The following PEAK1 variants were observed in gnomAD, a reference collection of about 807,000 sequenced individuals.
The protein encoded by PEAK1 is pseudopodium enriched atypical kinase 1.
In PEAK1, 54 loss-of-function variants were observed where a neutral mutation model predicts 124.7. That is an observed-to-expected ratio of 0.43 (90% CI 0.35 to 0.54). PEAK1 has a LOEUF of 0.54. Among genes scored for constraint, PEAK1 ranks in the 20% least tolerant of loss-of-function variants. PEAK1 has a pLI of 0.01. For missense variants in PEAK1, 2,046 were observed against 2,134.5 expected, an observed-to-expected ratio of 0.96 and a Z score of 0.82; for synonymous variants, 719 against 760.0, an observed-to-expected ratio of 0.95 and a Z score of 0.89.
chr15:77,202,519 C>T (rs1165864503), intron 6 of PEAK1, among the ~76,000 whole-genome samples: 1 of 152,036 alleles, frequency 6.6e-6, no homozygotes, highest in African/African-American at 2.4e-5. Flanking sequence ...GTAATCCCAG[C>T]ACTTTGGGAA....
Position 77,275,488 on chromosome 15 carries a change from C to A in PEAK1, c.-275+8395G>T, listed in dbSNP as rs190335062. Among the ~76,000 whole-genome samples the A allele has an allele frequency of 9.2e-5, 14 of 152,000 alleles. No individual in the cohort carries two copies. In the South Asian group the frequency reaches 2.5e-3, roughly 27 times the overall value. On this transcript the variant is annotated intron_variant, in intron 5 of 9. Transcript: ENST00000682557. Reference sequence around the variant, plus strand: ...ATCCCAGCACTTTGGGAGGCCGAGGCGGGTGGATCATGAGGTCAGGAGATT... The same window carrying A: ...ATCCCAGCACTTTGGGAGGCCGAGGAGGGTGGATCATGAGGTCAGGAGATT...
chr15:77,408,871 A>G (rs765365291), intron 1 of PEAK1, among the ~76,000 whole-genome samples: 8 of 152,088 alleles, frequency 5.3e-5, no homozygotes, highest in Non-Finnish European at 8.8e-5. Flanking sequence ...AGGAGTTTGC[A>G]ATCATCCTGG....
chr15:77,133,091 T>C lies in PEAK1; in HGVS notation c.3991A>G (p.Ser1331Gly). 3 of 1,614,234 alleles carry C rather than the reference T, an allele frequency of 1.9e-6. No individual in the cohort carries two copies. Among genetic ancestry groups the C allele is most frequent in the Non-Finnish European group, 2.5e-6 (3 of 1,180,038 alleles). The change falls in exon 9 of 10, where the codon AGT (serine) becomes GGT (glycine). Residue 1331 changes from serine to glycine, a missense_variant. By Grantham distance (56) the Ser-to-Gly change is moderately conservative (BLOSUM62 0). Transcript: ENST00000682557. The surrounding 1 kb of genome is among the most constrained non-coding windows in gnomAD (Gnocchi z 4.2). ...VDSWSDFRLT[S>G]DKPCCEAGDA... ...CCTGCCTCACAACATGGTTTGTCAC[T>C]GGTTAGCCTGAAGTCTGACCAGCTG...
At chr15:77,379,780 A>G (rs1191967802) in intron 1 of PEAK1, among the ~76,000 whole-genome samples, 1 of 152,168 alleles carries the variant, frequency 6.6e-6, no homozygotes, top group East Asian at 1.9e-4. Context: ...CGTTTACAGC[A>G]GGACTTGCCT....
intron 1 of PEAK1, among the ~76,000 whole-genome samples, chr15:77,365,741 TAAAAAAA>T (rs71145816): frequency 1.2e-5 from 1 of 80,832 alleles, no homozygotes. Flanking sequence ...CTCCATCTCA[TAAAAAAA>T]AAAAAAAAAA....
chr15:77,124,936 A>G (rs1268940683), intron 9 of PEAK1, among the ~76,000 whole-genome samples: 4 of 152,182 alleles, frequency 2.6e-5, no homozygotes, highest in Non-Finnish European at 5.9e-5. Flanking sequence ...TCATTCATTA[A>G]TCTTCATTTA....
intron 5 of PEAK1, among the ~76,000 whole-genome samples, chr15:77,268,156 A>T (rs2061837690): frequency 1.3e-5 from 2 of 152,324 alleles, no homozygotes; most frequent in South Asian, 4.1e-4. Flanking sequence ...AATCTGATAA[A>T]GACAAAGAAG....
At chr15:77,139,823 T>C (rs989824343) in intron 8 of PEAK1, among the ~76,000 whole-genome samples, 13 of 151,842 alleles carry the variant, frequency 8.6e-5, no homozygotes, top group Non-Finnish European at 1.5e-5. Context: ...ATATAATATA[T>C]ATATAAATTG....
At chr15:77,341,511 A>C (rs1348408674) in intron 2 of PEAK1, among the ~76,000 whole-genome samples, 2 of 152,030 alleles carry the variant, frequency 1.3e-5, no homozygotes, top group Non-Finnish European at 2.9e-5. Context: ...AAAGAAAAAA[A>C]AAAAAGCTCC....
intron 2 of PEAK1, among the ~76,000 whole-genome samples, chr15:77,357,565 C>T (rs961649974): frequency 6.6e-6 from 1 of 152,108 alleles, no homozygotes; most frequent in Non-Finnish European, 1.5e-5. Flanking sequence ...TGAGCCAAGA[C>T]CCTGTCTTAA....
chr15:77,393,724 C>T (rs536962642), intron 1 of PEAK1, among the ~76,000 whole-genome samples: 34 of 152,300 alleles, frequency 2.2e-4, no homozygotes, highest in African/African-American at 7.9e-4. Context: ...CAAGGAGAGA[C>T]TCCTTCTGCT....
intron 2 of PEAK1, among the ~76,000 whole-genome samples, chr15:77,318,170 TAC>T (rs10635105): frequency 1.2e-4 from 18 of 151,072 alleles, no homozygotes; most frequent in East Asian, 9.7e-4. Context: ...CATGCATGCA[TAC>T]ACACACACAC....
chr15:77,254,321 T>G (rs914686297), intron 5 of PEAK1, among the ~76,000 whole-genome samples: 1 of 152,234 alleles, frequency 6.6e-6, no homozygotes, highest in East Asian at 1.9e-4. Context: ...TACATAAGTT[T>G]GACTGCTTAT....
intron 5 of PEAK1, among the ~76,000 whole-genome samples, chr15:77,276,037 T>C (rs1361988821): frequency 6.6e-6 from 1 of 151,664 alleles, no homozygotes; most frequent in Non-Finnish European, 1.5e-5. Flanking sequence ...AATAAAACAA[T>C]AGAAATTTGC....
chr15:77,388,385 G>A (rs754338156), intron 1 of PEAK1, among the ~76,000 whole-genome samples: 14 of 152,166 alleles, frequency 9.2e-5, no homozygotes, highest in Non-Finnish European at 1.9e-4. Context: ...ATCTGTATCA[G>A]AACTTTTAGT....
intron 4 of PEAK1, among the ~76,000 whole-genome samples, 165 bp from the exon 5 acceptor site, chr15:77,284,195 G>A (rs1360457585): frequency 2.0e-5 from 3 of 152,198 alleles, no homozygotes; most frequent in African/African-American, 7.2e-5. Flanking sequence ...TATGTAAAGA[G>A]CAAAGAGCTT....
At chr15:77,280,933 T>A (rs2062635425) in intron 5 of PEAK1, among the ~76,000 whole-genome samples, 1 of 152,016 alleles carries the variant, frequency 6.6e-6, no homozygotes, top group Non-Finnish European at 1.5e-5. Flanking sequence ...CCGAGGTAGG[T>A]GGATCACTTG....
intron 5 of PEAK1, among the ~76,000 whole-genome samples, chr15:77,279,153 T>C (rs2062523431): frequency 6.6e-6 from 1 of 151,454 alleles, no homozygotes; most frequent in African/African-American, 2.4e-5. Context: ...GCTATGCTGT[T>C]AGCACACAGA....
chr15:77,336,304 CAG>C, intron 2 of PEAK1: 2 of 985,422 alleles, frequency 2.0e-6, no homozygotes, highest in Non-Finnish European at 2.4e-6. Flanking sequence ...GGCTGGTAGG[CAG>C]AGTTACTTGC....
Sources: gnomAD v4.1 joint callset for allele counts (sites outside exome capture counted in the v4.1 genomes callset) on GRCh38, gnomAD v4.1.1 for gene constraint, Gnocchi (gnomAD v3.1) non-coding constraint, MANE v1.5 for transcripts, NCBI Gene and HGNC (gene_info 2026-07-23, HGNC 2026-07-21) for gene names.